DLGAP1: variants seen among roughly 807,000 people sequenced by gnomAD.
DLGAP1 encodes disks large-associated protein 1.
DLGAP1 carries 11 observed loss-of-function variants against 90.8 expected under a neutral mutation model. The observed-to-expected ratio is 0.12, with a 90% CI of 0.08 to 0.20. The LOEUF (loss-of-function observed/expected upper bound fraction) is 0.20, where lower values mean the gene tolerates loss of function less well. Ranked by LOEUF, DLGAP1 falls within the 10% of genes least tolerant of loss-of-function variation. The pLI, the probability that DLGAP1 is intolerant of heterozygous loss-of-function variation, is 1.00. For synonymous variants in DLGAP1, 558 were observed against 540.7 expected (o/e 1.03, Z -0.44); for missense variants, 1,050 against 1,333.8 (o/e 0.79, Z 3.31).
intron 1 of DLGAP1, among the ~76,000 whole-genome samples, chr18:4,397,784 G>A (rs1230977701): frequency 1.3e-5 from 2 of 152,124 alleles, no homozygotes; most frequent in African/African-American, 4.8e-5. Context: ...CTTACCATAT[G>A]TTAGGAACCA....
At chr18:3,991,850 A>G (rs1412361442) in intron 3 of DLGAP1, among the ~76,000 whole-genome samples, 1 of 152,128 alleles carries the variant, frequency 6.6e-6, no homozygotes, top group Non-Finnish European at 1.5e-5. Context: ...AACCACTTTG[A>G]TTTATTTTTT....
At chr18:4,364,649 A>G (rs940833529) in intron 1 of DLGAP1, among the ~76,000 whole-genome samples, 1 of 152,000 alleles carries the variant, frequency 6.6e-6, no homozygotes, top group African/African-American at 2.4e-5. Context: ...TCGTGTCTCA[A>G]TCCCCCTCAG....
At chr18:3,965,883 G>T (rs887404206) in intron 3 of DLGAP1, among the ~76,000 whole-genome samples, 1 of 149,390 alleles carries the variant, frequency 6.7e-6, no homozygotes, top group Non-Finnish European at 1.5e-5. Context: ...GGGAGGCGGA[G>T]GTTGCCGTGA....
intron 3 of DLGAP1, among the ~76,000 whole-genome samples, chr18:3,926,216 G>A (rs1331593149): frequency 6.6e-6 from 1 of 152,170 alleles, no homozygotes; most frequent in Non-Finnish European, 1.5e-5. Flanking sequence ...AAAATTCTCA[G>A]TTGTGGAGGC....
intron 7 of DLGAP1, among the ~76,000 whole-genome samples, chr18:3,685,333 G>A (rs1478592376): frequency 1.3e-5 from 2 of 151,778 alleles, no homozygotes; most frequent in African/African-American, 4.8e-5. Context: ...AGGCCAAGGC[G>A]GGTGGACCAC....
intron 4 of DLGAP1, among the ~76,000 whole-genome samples, chr18:3,868,302 A>T (rs1293951548): frequency 6.6e-6 from 1 of 152,194 alleles, no homozygotes; most frequent in Non-Finnish European, 1.5e-5. Context: ...GTTACAGATA[A>T]GCCTTTGAAA....
At chr18:3,874,510 G>T (rs1652720150) in intron 4 of DLGAP1, 3 of 1,445,228 alleles carry the variant, frequency 2.1e-6, no homozygotes, top group South Asian at 1.5e-5. Flanking sequence ...ACAGAACCAA[G>T]AATTCTGCTT....
At chr18:4,324,085 G>A (rs2080760277) in intron 1 of DLGAP1, among the ~76,000 whole-genome samples, 1 of 151,630 alleles carries the variant, frequency 6.6e-6, no homozygotes, top group African/African-American at 2.4e-5. Context: ...TCATGAGTTG[G>A]TTCTTTGAAA....
chr18:4,151,722 CAG>C, intron 1 of DLGAP1, among the ~76,000 whole-genome samples: 1 of 152,194 alleles, frequency 6.6e-6, no homozygotes, highest in Non-Finnish European at 1.5e-5. Context: ...CATTTTTTTC[CAG>C]AGTGGTTCTT....
At chr18:4,292,462 A>C (rs188050310) in intron 1 of DLGAP1, among the ~76,000 whole-genome samples, 1 of 152,156 alleles carries the variant, frequency 6.6e-6, no homozygotes. Flanking sequence ...ATGTAGTAAA[A>C]TATGAGCATT....
intron 11 of DLGAP1, among the ~76,000 whole-genome samples, chr18:3,503,399 C>G (rs1826509975): frequency 6.6e-6 from 1 of 152,088 alleles, no homozygotes; most frequent in African/African-American, 2.4e-5. Context: ...CTTTCTTTGC[C>G]CCATCCACAT....
rs116551652 is a variant in DLGAP1, at chr18:4,253,579, T to C, written c.-266-102292A>G. ...ATGCACACCACCATGACAGCTAATT[T>C]TTATATCTTTAGTAGAGCCAGGGTT... On this transcript the variant is annotated intron_variant, in intron 1 of 12. Transcript: ENST00000315677. Among the ~76,000 whole-genome samples, 607 of 152,090 alleles carry C rather than the reference T, an allele frequency of 4.0e-3. 7 individuals carry two copies. Among genetic ancestry groups the C allele is most frequent in the African/African-American group, 0.014 (583 of 41,498 alleles).
intron 6 of DLGAP1, among the ~76,000 whole-genome samples, chr18:3,739,660 A>G (rs2062815897): frequency 6.6e-6 from 1 of 151,880 alleles, no homozygotes. Flanking sequence ...TACCATTGGG[A>G]GATATACCTA....
rs973440839 is a variant in DLGAP1 at position 3,701,270 on chromosome 18, A to C, written c.1591+27865T>G. Reference sequence around the variant, plus strand: ...AGAAAGAACCAAACAGTCCGGATCCAGGGTGAAAGCCTTCTTCAGCTATTC... The same window carrying C: ...AGAAAGAACCAAACAGTCCGGATCCCGGGTGAAAGCCTTCTTCAGCTATTC... On this transcript the variant is annotated intron_variant, in intron 7 of 12. Transcript: ENST00000315677. Among the ~76,000 whole-genome samples the C allele has an allele frequency of 7.9e-5, 12 of 152,316 alleles. No homozygotes were observed. The East Asian group carries it at 2.3e-3, about 29-fold the overall frequency.
intron 1 of DLGAP1, among the ~76,000 whole-genome samples, chr18:4,376,620 T>C (rs1339641526): frequency 2.0e-5 from 3 of 152,200 alleles, no homozygotes; most frequent in African/African-American, 7.2e-5. Context: ...AAGAGGAAAC[T>C]TTCTATATCA....
chr18:4,141,845 T>G (rs2076500127), intron 2 of DLGAP1, among the ~76,000 whole-genome samples: 1 of 152,060 alleles, frequency 6.6e-6, no homozygotes, highest in Admixed American at 6.5e-5. Flanking sequence ...CTTTGTTAAA[T>G]GTATCTGATG....
intron 2 of DLGAP1, among the ~76,000 whole-genome samples, chr18:4,103,591 G>A (rs551234234): frequency 3.9e-5 from 6 of 152,142 alleles, no homozygotes; most frequent in East Asian, 1.9e-4. Flanking sequence ...CCCACTACAC[G>A]TTTTGAATTA....
chr18:3,703,051 G>A (rs1182325141), intron 7 of DLGAP1, among the ~76,000 whole-genome samples: 1 of 152,210 alleles, frequency 6.6e-6, no homozygotes, highest in African/African-American at 2.4e-5. Flanking sequence ...TGGTTAAGAT[G>A]TGGAGCCTGA....
chr18:3,801,083 G>A (rs1342694460), intron 5 of DLGAP1, among the ~76,000 whole-genome samples: 1 of 152,080 alleles, frequency 6.6e-6, no homozygotes, highest in Admixed American at 6.5e-5. Context: ...AAGAGGGTGG[G>A]GAGGTGCCAC....
Sources: gnomAD v4.1 joint callset for allele counts (sites outside exome capture counted in the v4.1 genomes callset) on GRCh38, gnomAD v4.1.1 for gene constraint, MANE v1.5 for transcripts, NCBI Gene and HGNC (gene_info 2026-07-23, HGNC 2026-07-21) for gene names.